The following AMZ1 variants were observed in gnomAD, a reference collection of about 807,000 sequenced individuals.
AMZ1 encodes the protein archaelysin family metallopeptidase 1.
In AMZ1, 39 loss-of-function variants were observed where a neutral mutation model predicts 29.9. That is an observed-to-expected ratio of 1.30 (90% confidence interval 1.01 to 1.70). The LOEUF (loss-of-function observed/expected upper bound fraction) is 1.70, where lower values mean the gene tolerates loss of function less well. Among genes scored for constraint, AMZ1 ranks in the 40% most tolerant of loss-of-function variants. The probability of loss-of-function intolerance (pLI) is 0.00; values close to 1 mark genes in which losing one functional copy is unlikely to be tolerated. For missense variants in AMZ1, 1,041 were observed against 680.6 expected (o/e 1.53, Z -5.89); for synonymous variants, 458 against 304.0 (o/e 1.51, Z -5.27).
intron 4 of AMZ1, chr7:2,730,852 G>A (rs532471620): frequency 4.9e-5 from 13 of 264,882 alleles, no homozygotes; most frequent in African/African-American, 2.5e-4. Flanking sequence ...CACACAACAC[G>A]GTCCTCAATT....
chr7:2,692,689 G>T (rs1583145211), intron 1 of AMZ1, among the ~76,000 whole-genome samples: 1 of 152,306 alleles, frequency 6.6e-6, no homozygotes, highest in East Asian at 1.9e-4. Context: ...GGTTGCAGGG[G>T]GTGCTGCCTC....
rs138351044 is a variant in AMZ1, at chr7:2,709,739, C to G, written c.871C>G (p.Arg291Gly). 23 of 1,611,498 alleles carry G rather than the reference C, an allele frequency of 1.4e-5. No individual in the cohort carries two copies. The highest frequency in any genetic ancestry group is 1.8e-5 in the Non-Finnish European group (21 of 1,179,870). The change falls in exon 6 of 7, where the codon CGG (arginine) becomes GGG (glycine). Residue 291 changes from arginine (R) to glycine (G), a missense_variant. Transcript: ENST00000683327. Reference protein sequence around the residue: ...GALSLDEALRRPLDLCPICLR... With the variant: ...GALSLDEALRGPLDLCPICLR... ...GCTCAGCCTGGACGAGGCCCTGCGG[C>G]GGCCCCTGGACCTCTGTCCCATCTG... is the stretch of plus-strand genomic sequence containing the variant.
intron 4 of AMZ1, among the ~76,000 whole-genome samples, chr7:2,751,501 G>A (rs1415353409): frequency 2.0e-5 from 3 of 151,368 alleles, no homozygotes; most frequent in Admixed American, 6.6e-5. Context: ...TAAACTCAAG[G>A]TAAGCAGGAG....
intron 4 of AMZ1, among the ~76,000 whole-genome samples, chr7:2,740,922 G>A (rs867342191): frequency 6.6e-6 from 1 of 152,156 alleles, no homozygotes; most frequent in Non-Finnish European, 1.5e-5. Context: ...GCAGGTGCCT[G>A]TAGTCCCAGC....
intron 1 of AMZ1, among the ~76,000 whole-genome samples, chr7:2,691,001 C>T (rs922904011): frequency 1.3e-5 from 2 of 151,856 alleles, no homozygotes; most frequent in African/African-American, 4.8e-5. Context: ...ATTAGCCTGG[C>T]ATGGTGGCAT....
intron 1 of AMZ1, among the ~76,000 whole-genome samples, chr7:2,681,093 C>G (rs1225621872): frequency 6.6e-6 from 1 of 152,240 alleles, no homozygotes; most frequent in Non-Finnish European, 1.5e-5. Flanking sequence ...CATCTTAGAA[C>G]TACGTTTCAG....
chr7:2,703,965 G>T (rs541774621), intron 3 of AMZ1, among the ~76,000 whole-genome samples: 4 of 152,142 alleles, frequency 2.6e-5, no homozygotes, highest in Non-Finnish European at 5.9e-5. Context: ...CTCGGCTCAT[G>T]GCAAGCTCTG....
intron 2 of AMZ1, among the ~76,000 whole-genome samples, chr7:2,701,554 GAA>G (rs1017649792): frequency 2.6e-5 from 4 of 152,174 alleles, no homozygotes; most frequent in African/African-American, 9.7e-5. Context: ...GCTCAGAAGG[GAA>G]CGGCCCAGGC....
intron 4 of AMZ1, among the ~76,000 whole-genome samples, chr7:2,747,355 G>GGCT (rs1239129362): frequency 6.6e-6 from 1 of 152,196 alleles, no homozygotes; most frequent in Non-Finnish European, 1.5e-5. Flanking sequence ...TGGGATGCAA[G>GGCT]GCTGGTTCAA....
At chr7:2,703,982 G>A (rs1583165031) in intron 3 of AMZ1, among the ~76,000 whole-genome samples, 1 of 152,074 alleles carries the variant, frequency 6.6e-6, no homozygotes, top group Non-Finnish European at 1.5e-5. Context: ...TCTGCCTCCC[G>A]GGTTCACACC....
chr7:2,753,751 T>A (rs533951342), intron 4 of AMZ1, among the ~76,000 whole-genome samples: 2 of 152,318 alleles, frequency 1.3e-5, no homozygotes, highest in African/African-American at 4.8e-5. Flanking sequence ...TTTTTTTTCC[T>A]TTTAATTACA....
chr7:2,710,882 CT>C (rs1788730525), intron 6 of AMZ1, among the ~76,000 whole-genome samples: 1 of 152,240 alleles, frequency 6.6e-6, no homozygotes, highest in Non-Finnish European at 1.5e-5. Flanking sequence ...CTGCTGCCAG[CT>C]GTGCCCCGTC....
intron 3 of AMZ1, among the ~76,000 whole-genome samples, chr7:2,703,540 C>T (rs951652427): frequency 2.6e-5 from 4 of 152,186 alleles, no homozygotes; most frequent in Non-Finnish European, 2.9e-5. Context: ...GCCCTTGCCC[C>T]TTCCCTGAGG....
chr7:2,723,258 C>G (rs1789494931), downstream of AMZ1, among the ~76,000 whole-genome samples: 1 of 152,212 alleles, frequency 6.6e-6, no homozygotes, highest in African/African-American at 2.4e-5. Context: ...TCACCCACAG[C>G]TAAGTCACAA....
intron 4 of AMZ1, among the ~76,000 whole-genome samples, chr7:2,724,822 G>A (rs551319280): frequency 6.6e-6 from 1 of 152,310 alleles, no homozygotes; most frequent in East Asian, 1.9e-4. Context: ...GAGGCTGCCG[G>A]GCGCGTGAGA....
intron 4 of AMZ1, among the ~76,000 whole-genome samples, chr7:2,748,062 A>G (rs1583230360): frequency 1.3e-5 from 2 of 150,898 alleles, no homozygotes; most frequent in Admixed American, 1.3e-4. Context: ...AAGAATCGAT[A>G]TCATGAAAAT....
intron 4 of AMZ1, among the ~76,000 whole-genome samples, chr7:2,755,632 A>G (rs1223447755): frequency 2.6e-5 from 4 of 152,232 alleles, no homozygotes; most frequent in Non-Finnish European, 5.9e-5. Context: ...TCATTAGTCT[A>G]TGACTTTTCT....
intron 1 of AMZ1, among the ~76,000 whole-genome samples, chr7:2,690,329 C>G (rs572152938): frequency 1.3e-5 from 2 of 152,304 alleles, no homozygotes; most frequent in African/African-American, 2.4e-5. Flanking sequence ...AGCAATCCTC[C>G]CATCTCAGCC....
intron 3 of AMZ1, among the ~76,000 whole-genome samples, chr7:2,707,294 A>AC (rs1241964176): frequency 4.0e-5 from 6 of 148,994 alleles, no homozygotes; most frequent in Non-Finnish European, 9.1e-5. Context: ...AAAAACAAAA[A>AC]AACACACACA....
Sources: gnomAD v4.1 joint callset for allele counts (sites outside exome capture counted in the v4.1 genomes callset) on GRCh38, gnomAD v4.1.1 for gene constraint, MANE v1.5 for transcripts, NCBI Gene and HGNC (gene_info 2026-07-23, HGNC 2026-07-21) for gene names.